Variants in GABRR2 observed in about 807,000 individuals in gnomAD.
GABRR2 encodes the protein gamma-aminobutyric acid receptor subunit rho-2.
Under a neutral mutation model 47.0 loss-of-function variants are expected in GABRR2, and 36 were observed. That is an observed-to-expected ratio of 0.77 (90% CI 0.59 to 1.01). The LOEUF is 1.01. Among genes scored for constraint, GABRR2 ranks in the 50% least tolerant of loss-of-function variants. GABRR2 has a pLI of 0.00. For missense variants in GABRR2, 587 were observed against 594.6 expected (o/e 0.99, Z 0.13); for synonymous variants, 204 against 227.5 (o/e 0.90, Z 0.93).
chr6:89,259,511 T>TG (rs954962481), intron 8 of GABRR2, among the ~76,000 whole-genome samples: 103 of 152,052 alleles, frequency 6.8e-4, no homozygotes, highest in East Asian at 4.4e-3. Context: ...TGTTTTGTTT[T>TG]TTTTGTTTTT....
chr6:89,299,115 T>G (rs1373706729), intron 2 of GABRR2, among the ~76,000 whole-genome samples: 1 of 152,188 alleles, frequency 6.6e-6, no homozygotes, highest in Non-Finnish European at 1.5e-5. Flanking sequence ...CCATAGCATT[T>G]CTCTAGTTCC....
chr6:89,303,367 G>C (rs1323409220), intron 1 of GABRR2, among the ~76,000 whole-genome samples: 2 of 151,840 alleles, frequency 1.3e-5, no homozygotes, highest in South Asian at 4.2e-4. Context: ...TTTTTTACTG[G>C]TTTGTGTTTA....
chr6:89,311,549 G>A (rs1767682190), intron 1 of GABRR2, among the ~76,000 whole-genome samples: 1 of 152,212 alleles, frequency 6.6e-6, no homozygotes. Flanking sequence ...ACCCATGGCA[G>A]GGCAGCCAGG....
Position 89,269,151 on chromosome 6 carries a change from G to A in GABRR2, c.372C>T (p.Thr124=). 4 of 1,614,074 alleles carry A rather than the reference G, an allele frequency of 2.5e-6. No individual in the cohort carries two copies. The highest frequency in any genetic ancestry group is 1.1e-5 in the South Asian group (1 of 91,092). ...AFSSASNKSM[T]FDGRLVKKIW... Reference sequence around the variant, plus strand: ...TCTTCTTCACCAGCCGGCCATCGAAGGTCATGCTCTTGTTGCTGGCGCTGG... The same window carrying A: ...TCTTCTTCACCAGCCGGCCATCGAAAGTCATGCTCTTGTTGCTGGCGCTGG... Residue 124 remains threonine, a synonymous_variant, in exon 4 of 9, where the codon ACC becomes ACT. Transcript: ENST00000402938.
intron 2 of GABRR2, among the ~76,000 whole-genome samples, chr6:89,279,896 C>T (rs1774227078): frequency 6.6e-6 from 1 of 151,868 alleles, no homozygotes; most frequent in African/African-American, 2.4e-5. Context: ...AAAGGTTTGA[C>T]ATATAAGATG....
In GABRR2 at chr6:89,279,696, AC is replaced by A. The variant is rs34140672; in HGVS notation, c.221-7975del. ...ACAAAAAAAGTTAAAAAAAAAAAAAACCCCACTGATACACTGCCTGTATCTG... is the reference window on the plus strand; with the variant it reads ...ACAAAAAAAGTTAAAAAAAAAAAAAACCCACTGATACACTGCCTGTATCTG... On this transcript the variant is annotated intron_variant, in intron 2 of 8. Coordinates refer to ENST00000402938, the MANE Select transcript of GABRR2 (RefSeq NM_002043.5). Among the ~76,000 whole-genome samples, 33 of 147,062 alleles carry A rather than the reference AC, an allele frequency of 2.2e-4. No homozygotes were observed. The South Asian group carries it at 2.6e-3, about 12-fold the overall frequency.
chr6:89,258,638 T>A (rs1225334933), intron 8 of GABRR2, among the ~76,000 whole-genome samples: 2 of 151,148 alleles, frequency 1.3e-5, no homozygotes, highest in African/African-American at 4.9e-5. Context: ...GGAGGATCAC[T>A]TGAGCTCAAG....
intron 8 of GABRR2, 54 bp from the exon 9 acceptor site, chr6:89,258,035 A>T: frequency 6.5e-7 from 1 of 1,531,880 alleles, no homozygotes; most frequent in Non-Finnish European, 8.8e-7. Context: ...TGGGCAGAGG[A>T]GGGGGCCTGG....
At chr6:89,295,482 A>AT (rs898935951) in intron 2 of GABRR2, among the ~76,000 whole-genome samples, 19 of 150,148 alleles carry the variant, frequency 1.3e-4, no homozygotes, top group African/African-American at 4.1e-4. Context: ...TTTTGATGGG[A>AT]TTTTTTTTTA....
rs75540276 is a variant in GABRR2, at chr6:89,313,454, G to A, written c.113+1599C>T. On this transcript the variant is annotated intron_variant, in intron 1 of 8. Coordinates refer to ENST00000402938, the MANE Select transcript of GABRR2 (RefSeq NM_002043.5). ...CCCATTTCACTCAACAGCCATTCAC[G>A]TTTCCCAAAATTAGAGTTCAGGGGA... Among the ~76,000 whole-genome samples the A allele has an allele frequency of 2.0e-3, 305 of 152,246 alleles. 1 individual carries two copies. The highest frequency in any genetic ancestry group is 6.8e-3 in the African/African-American group (282 of 41,532).
Position 89,264,590 on chromosome 6 carries a change from G to T in GABRR2, c.908C>A (p.Thr303Asn), listed in dbSNP as rs1292521547. 1 of 1,614,192 alleles carries T rather than the reference G, an allele frequency of 6.2e-7. No individual in the cohort carries two copies. Among genetic ancestry groups the T allele is most frequent in the South Asian group, 1.1e-5 (1 of 91,084 alleles). ...CACGCCCGTGATGATGGTGGTCATG[G>T]TCAGCACCGTCGTGATACCTGCAAC... is the stretch of plus-strand genomic sequence containing the variant. ...RVSLGITTVL[T>N]MTTIITGVNA... Residue 303 changes from threonine (T) to asparagine (N), a missense_variant, in exon 8 of 9, where the codon ACC (threonine) becomes AAC (asparagine). By Grantham distance (65) the Thr-to-Asn change is moderately conservative. Transcript: ENST00000402938.
At position 89,315,208 on chromosome 6, in the gene GABRR2, T is replaced by C; in HGVS notation, c.-43A>G. The stretch of plus-strand genomic sequence containing the variant: ...GGCAAAAAGCTGCTTTCCAGTAGCC[T>C]GTGGCAGAGCAAATCCCCCCTGGCT... On this transcript the variant is annotated 5_prime_UTR_variant, in exon 1 of 9. Transcript: ENST00000402938. The C allele has an allele frequency of 2.5e-6, 4 of 1,612,558 alleles. No homozygotes were observed. Among genetic ancestry groups the C allele is most frequent in the Non-Finnish European group, 3.4e-6 (4 of 1,179,062 alleles).
At chr6:89,311,488 C>A (rs1490108356) in intron 1 of GABRR2, among the ~76,000 whole-genome samples, 1 of 152,156 alleles carries the variant, frequency 6.6e-6, no homozygotes, top group African/African-American at 2.4e-5. Context: ...CAGGAGATGG[C>A]CCACACAGTC....
At chr6:89,271,542 G>A in intron 3 of GABRR2, 113 bp downstream of exon 3, 1 of 871,466 alleles carries the variant, frequency 1.1e-6, no homozygotes, top group South Asian at 1.5e-5. Context: ...CGACTTCCAA[G>A]CGCCCATTTT....
chr6:89,279,142 C>T (rs1422150101), intron 2 of GABRR2, among the ~76,000 whole-genome samples: 1 of 152,244 alleles, frequency 6.6e-6, no homozygotes, highest in Admixed American at 6.5e-5. Context: ...AGCCGTCTCT[C>T]TGTCCCTCAG....
intron 6 of GABRR2, among the ~76,000 whole-genome samples, chr6:89,266,431 G>A (rs577199095): frequency 5.9e-5 from 9 of 152,322 alleles, no homozygotes; most frequent in African/African-American, 2.2e-4. Flanking sequence ...GCTAGGCTCT[G>A]GTCACTGTCA....
chr6:89,303,381 T>A (rs1407171582), intron 1 of GABRR2, among the ~76,000 whole-genome samples: 2 of 151,590 alleles, frequency 1.3e-5, no homozygotes, highest in African/African-American at 2.4e-5. Context: ...GTGTTTATAT[T>A]TTCAGGGATA....
At position 89,302,786 on chromosome 6, in the gene GABRR2, C is replaced by T. The variant is rs903402154; in HGVS notation, c.114-2921G>A. The T allele has an allele frequency of 1.5e-5, 21 of 1,442,502 alleles. No homozygotes were observed. In the African/African-American group the frequency reaches 2.0e-4, roughly 14 times the overall value. 89.4% of individuals were successfully genotyped at this position (1,442,502 alleles called of 1,614,324 possible). A position where few individuals can be genotyped will look rare whatever the true frequency, so the allele number is the denominator to read the frequency against. On this transcript the variant is annotated intron_variant, in intron 1 of 8. Coordinates refer to ENST00000402938, the MANE Select transcript of GABRR2 (RefSeq NM_002043.5). The stretch of plus-strand genomic sequence containing the variant: ...TCCAGAGCAAGAACAGCAGCTACTT[C>T]GTGGAGTGGATCCCCAACAACATGA...
At chr6:89,304,319 A>C (rs1300599856) in intron 1 of GABRR2, among the ~76,000 whole-genome samples, 3 of 152,228 alleles carry the variant, frequency 2.0e-5, no homozygotes. Context: ...TAATTCCAGC[A>C]CTTTGAGAGG....
Sources: allele counts gnomAD v4.1 joint callset (sites outside exome capture counted in the v4.1 genomes callset), GRCh38; gene constraint gnomAD v4.1.1; transcripts MANE v1.5; gene names NCBI Gene and HGNC (gene_info 2026-07-23, HGNC 2026-07-21).